Variants in LRP1B observed in about 807,000 individuals in gnomAD.
LRP1B encodes the protein low-density lipoprotein receptor-related protein 1B.
LRP1B carries 217 observed loss-of-function variants against 556.6 expected under a neutral mutation model. The ratio of observed to expected loss-of-function variants is 0.39; its 90% CI spans 0.35 to 0.44. The LOEUF is 0.44. Ranked by LOEUF, LRP1B falls within the 20% of genes least tolerant of loss-of-function variation. The probability of loss-of-function intolerance (pLI) is 1.00; values close to 1 mark genes in which losing one functional copy is unlikely to be tolerated. For missense variants in LRP1B, 5,053 were observed against 5,620.8 expected, an observed-to-expected ratio of 0.90 and a Z score of 3.23; for synonymous variants, 2,047 against 1,865.8, an observed-to-expected ratio of 1.10 and a Z score of -2.50.
At position 140,503,099 on chromosome 2, in the gene LRP1B, A is replaced by G. The variant is rs4444457; in HGVS notation, c.8526T>C (p.Tyr2842=). The change falls in exon 54 of 91, where the codon TAT becomes TAC. Residue 2842 remains tyrosine (Y), a synonymous_variant. Transcript: ENST00000389484. ...TAAATTCTTCTGTACCACACTGTCG[A>G]TATCCTAGAGACGCAGAAAAAACAT... is the stretch of plus-strand genomic sequence containing the variant. The part of the protein sequence containing the change: ...DGSDESPQCG[Y]RQCGTEEFSC... 901,891 of 1,611,062 alleles carry G rather than the reference A, an allele frequency of 0.56. 255,404 individuals are homozygous for G. Among genetic ancestry groups the G allele is most frequent in the East Asian group, 0.73 (32,903 of 44,810 alleles).
At chr2:140,266,184 C>T (rs910387141) in intron 86 of LRP1B, among the ~76,000 whole-genome samples, 3 of 151,930 alleles carry the variant, frequency 2.0e-5, no homozygotes, top group Non-Finnish European at 4.4e-5. Flanking sequence ...AAAGAATCTA[C>T]ATTTTTCTCT....
intron 81 of LRP1B, among the ~76,000 whole-genome samples, chr2:140,322,556 A>C (rs1248854419): frequency 8.6e-6 from 1 of 116,132 alleles, no homozygotes; most frequent in Non-Finnish European, 1.8e-5. Context: ...ATGAAAATGC[A>C]TATGTAGCTT....
intron 1 of LRP1B, among the ~76,000 whole-genome samples, chr2:142,122,671 G>A (rs1707498360): frequency 6.6e-6 from 1 of 151,940 alleles, no homozygotes; most frequent in South Asian, 2.1e-4. Context: ...TCAAAAATAT[G>A]GATGCCCAGT....
chr2:141,252,015 C>T (rs1352887533), intron 4 of LRP1B, among the ~76,000 whole-genome samples: 1 of 151,812 alleles, frequency 6.6e-6, no homozygotes, highest in Admixed American at 6.6e-5. Flanking sequence ...AAGTCATCTC[C>T]AACACAAAAA....
chr2:141,269,952 A>G (rs1424438567), intron 3 of LRP1B, among the ~76,000 whole-genome samples: 2 of 152,126 alleles, frequency 1.3e-5, no homozygotes, highest in Admixed American at 6.6e-5. Flanking sequence ...AAAAAAATAC[A>G]TTTAAACTCA....
chr2:141,194,155 C>A (rs1313249149), intron 6 of LRP1B, among the ~76,000 whole-genome samples: 1 of 152,100 alleles, frequency 6.6e-6, no homozygotes, highest in African/African-American at 2.4e-5. Context: ...TTCCATTCTA[C>A]TTTGAAACAG....
At chr2:140,990,587 C>A (rs1238986789) in intron 16 of LRP1B, among the ~76,000 whole-genome samples, 2 of 151,718 alleles carry the variant, frequency 1.3e-5, no homozygotes, top group African/African-American at 4.8e-5. Context: ...CATGAGTTTT[C>A]TTCCCTAGTA....
chr2:142,021,041 T>C (rs772591454), intron 1 of LRP1B, among the ~76,000 whole-genome samples: 14 of 152,158 alleles, frequency 9.2e-5, no homozygotes, highest in Admixed American at 2.0e-4. Flanking sequence ...AGTCATTGAA[T>C]GATAATATTA....
intron 3 of LRP1B, among the ~76,000 whole-genome samples, chr2:141,344,276 A>G (rs529081550): frequency 2.0e-5 from 3 of 152,318 alleles, no homozygotes; most frequent in South Asian, 4.1e-4. Context: ...AGTAACAGCT[A>G]AAGTCCTTAC....
At chr2:141,335,669 CA>C (rs1284787239) in intron 3 of LRP1B, among the ~76,000 whole-genome samples, 1 of 152,040 alleles carries the variant, frequency 6.6e-6, no homozygotes, top group Middle Eastern at 3.2e-3. Flanking sequence ...AACTAGATTA[CA>C]AATACTTTCA....
chr2:140,709,314 CT>C (rs1276934107), intron 37 of LRP1B, among the ~76,000 whole-genome samples: 1 of 151,978 alleles, frequency 6.6e-6, no homozygotes, highest in Non-Finnish European at 1.5e-5. Flanking sequence ...TCCTATACAT[CT>C]TTTCATTGTT....
At chr2:140,880,811 T>A (rs10496855) in intron 25 of LRP1B, among the ~76,000 whole-genome samples, 3 of 152,022 alleles carry the variant, frequency 2.0e-5, no homozygotes, top group East Asian at 1.9e-4. Flanking sequence ...TACTGTATAC[T>A]TCCCATTTTA....
At chr2:142,125,080 A>G (rs149751375) in intron 1 of LRP1B, among the ~76,000 whole-genome samples, 4,641 of 151,906 alleles carry the variant, frequency 0.031, 142 homozygotes, top group Non-Finnish European at 0.038. Context: ...ACATTTTAAT[A>G]TCACTCAATT....
chr2:140,680,055 A>G (rs1299220672), intron 41 of LRP1B, among the ~76,000 whole-genome samples: 2 of 152,116 alleles, frequency 1.3e-5, no homozygotes, highest in African/African-American at 4.8e-5. Context: ...AGGGAACCCA[A>G]AAGATTGGAC....
intron 3 of LRP1B, among the ~76,000 whole-genome samples, chr2:141,259,000 A>G (rs1319281597): frequency 1.3e-5 from 2 of 152,170 alleles, no homozygotes. Flanking sequence ...GTTGTAAAGG[A>G]GGAAAAGTTG....
At chr2:140,911,906 T>C (rs1694430576) in intron 21 of LRP1B, among the ~76,000 whole-genome samples, 1 of 151,788 alleles carries the variant, frequency 6.6e-6, no homozygotes, top group South Asian at 2.1e-4. Context: ...AGAGTCAGAA[T>C]AGCAGTAAGG....
At chr2:141,064,799 C>T (rs1408980286) in intron 7 of LRP1B, among the ~76,000 whole-genome samples, 1 of 151,862 alleles carries the variant, frequency 6.6e-6, no homozygotes, top group Non-Finnish European at 1.5e-5. Flanking sequence ...AGCTGTATTA[C>T]AATTGGTAAA....
intron 7 of LRP1B, among the ~76,000 whole-genome samples, chr2:141,163,033 C>T (rs1307388609): frequency 1.3e-5 from 2 of 152,128 alleles, no homozygotes; most frequent in East Asian, 3.9e-4. Flanking sequence ...AGATACATCA[C>T]TGTGACAAGC....
intron 1 of LRP1B, among the ~76,000 whole-genome samples, chr2:141,862,140 AGT>A (rs1698266750): frequency 6.6e-6 from 1 of 152,204 alleles, no homozygotes. Flanking sequence ...GTTAAATGAT[AGT>A]GTGTTGCTGA....
Sources: allele counts gnomAD v4.1 joint callset (sites outside exome capture counted in the v4.1 genomes callset), GRCh38; gene constraint gnomAD v4.1.1; transcripts MANE v1.5; gene names NCBI Gene and HGNC (gene_info 2026-07-23, HGNC 2026-07-21).